SH3RF3: variants seen among roughly 807,000 people sequenced by gnomAD.
The protein encoded by SH3RF3 is SH3 domain containing ring finger 3, also known as E3 ubiquitin-protein ligase SH3RF3.
SH3RF3 carries 29 observed loss-of-function variants against 66.3 expected under a neutral mutation model. That is an observed-to-expected ratio of 0.44 (90% confidence interval 0.33 to 0.60). SH3RF3 has a LOEUF of 0.60. Ranked by LOEUF, SH3RF3 falls within the 20% of genes least tolerant of loss-of-function variation. The probability of loss-of-function intolerance (pLI) is 0.04; values close to 1 mark genes in which losing one functional copy is unlikely to be tolerated. For synonymous variants in SH3RF3, 583 were observed against 532.0 expected (o/e 1.10, Z -1.32); for missense variants, 1,194 against 1,190.9 (o/e 1.00, Z -0.04).
intron 9 of SH3RF3, among the ~76,000 whole-genome samples, chr2:109,493,466 T>C (rs1679182881): frequency 6.9e-6 from 1 of 145,526 alleles, no homozygotes; most frequent in African/African-American, 2.6e-5. Context: ...ACATACACTA[T>C]ACATACAAAC....
chr2:109,422,177 C>T (rs142992035), intron 5 of SH3RF3, among the ~76,000 whole-genome samples: 120 of 152,292 alleles, frequency 7.9e-4, no homozygotes, highest in African/African-American at 2.4e-3. Flanking sequence ...GATGTGCTGT[C>T]GTTGCAAAAA....
intron 1 of SH3RF3, among the ~76,000 whole-genome samples, chr2:109,231,193 A>G (rs1056099727): frequency 3.3e-5 from 5 of 152,230 alleles, no homozygotes; most frequent in African/African-American, 1.2e-4. Flanking sequence ...GAAGTCTCGG[A>G]TGAACTGTCA....
intron 2 of SH3RF3, among the ~76,000 whole-genome samples, chr2:109,368,419 G>A (rs918405235): frequency 6.6e-6 from 1 of 151,998 alleles, no homozygotes; most frequent in African/African-American, 2.4e-5. Context: ...CATATACAGT[G>A]GATTAGAGAA....
chr2:109,156,985 T>C (rs767270427), intron 1 of SH3RF3, among the ~76,000 whole-genome samples: 1 of 152,242 alleles, frequency 6.6e-6, no homozygotes, highest in Non-Finnish European at 1.5e-5. Context: ...TATTTCCCTC[T>C]GAAATCACAC....
chr2:109,249,521 T>TTTC (rs1680017131), intron 1 of SH3RF3, among the ~76,000 whole-genome samples: 16 of 93,660 alleles, frequency 1.7e-4, no homozygotes, highest in Non-Finnish European at 2.4e-4. Flanking sequence ...TTCTTTCTTT[T>TTTC]TCTTTCTTTC....
At chr2:109,488,351 C>A (rs567197515) in intron 8 of SH3RF3, among the ~76,000 whole-genome samples, 1 of 152,324 alleles carries the variant, frequency 6.6e-6, no homozygotes, top group Non-Finnish European at 1.5e-5. Flanking sequence ...TGCCACCTGT[C>A]CCCTGGAGGC....
chr2:109,463,521 G>A (rs1199835912), intron 8 of SH3RF3, among the ~76,000 whole-genome samples: 7 of 152,194 alleles, frequency 4.6e-5, no homozygotes, highest in African/African-American at 1.2e-4. Context: ...TCTCATAGTC[G>A]TGGTGAAAGG....
chr2:109,162,116 A>T (rs1234424056), intron 1 of SH3RF3, among the ~76,000 whole-genome samples: 2 of 152,190 alleles, frequency 1.3e-5, no homozygotes, highest in Non-Finnish European at 2.9e-5. Context: ...CTGAGGATGG[A>T]CACCTGCTTG....
intron 1 of SH3RF3, among the ~76,000 whole-genome samples, chr2:109,212,965 T>C (rs1339061457): frequency 2.0e-5 from 3 of 152,186 alleles, no homozygotes; most frequent in Non-Finnish European, 4.4e-5. Context: ...AGACAGATGC[T>C]GCCCACACAT....
At chr2:109,132,827 C>A (rs1369082240) in intron 1 of SH3RF3, among the ~76,000 whole-genome samples, 1 of 152,226 alleles carries the variant, frequency 6.6e-6, no homozygotes, top group Non-Finnish European at 1.5e-5. Context: ...TAGCATCAAT[C>A]AAATTGTTTC....
chr2:109,240,471 A>G (rs1176752002), intron 1 of SH3RF3, among the ~76,000 whole-genome samples: 1 of 152,158 alleles, frequency 6.6e-6, no homozygotes, highest in Admixed American at 6.5e-5. Flanking sequence ...CTGGGCGACA[A>G]ACAAAAAAAC....
intron 6 of SH3RF3, among the ~76,000 whole-genome samples, chr2:109,436,193 C>T (rs1034539374): frequency 2.0e-5 from 3 of 152,170 alleles, no homozygotes; most frequent in African/African-American, 7.2e-5. Context: ...ACATTTAATT[C>T]CCCTGAAACT....
intron 1 of SH3RF3, among the ~76,000 whole-genome samples, chr2:109,240,834 C>T (rs1679761309): frequency 6.6e-6 from 1 of 151,982 alleles, no homozygotes; most frequent in South Asian, 2.1e-4. Flanking sequence ...CTACTGGACT[C>T]CTGACACCCC....
At chr2:109,238,227 T>G (rs906437359) in intron 1 of SH3RF3, among the ~76,000 whole-genome samples, 1 of 151,980 alleles carries the variant, frequency 6.6e-6, no homozygotes, top group African/African-American at 2.4e-5. Context: ...ATAAAATGGT[T>G]TTTATGAAGA....
chr2:109,159,309 G>A (rs1558932221), intron 1 of SH3RF3, among the ~76,000 whole-genome samples: 1 of 152,194 alleles, frequency 6.6e-6, no homozygotes, highest in African/African-American at 2.4e-5. Flanking sequence ...GCTGTACCGC[G>A]GTTTCCTCGT....
At chr2:109,445,936 C>T (rs1382406507) in intron 7 of SH3RF3, among the ~76,000 whole-genome samples, 1 of 152,076 alleles carries the variant, frequency 6.6e-6, no homozygotes, top group Non-Finnish European at 1.5e-5. Context: ...GCTCACAGTC[C>T]TTGGAAGCTG....
At chr2:109,499,898 G>T (rs1053040228) in intron 9 of SH3RF3, among the ~76,000 whole-genome samples, 2 of 152,160 alleles carry the variant, frequency 1.3e-5, no homozygotes, top group African/African-American at 4.8e-5. Flanking sequence ...CTGAGCTCAG[G>T]TTCAATTGGC....
intron 8 of SH3RF3, among the ~76,000 whole-genome samples, chr2:109,459,654 G>A (rs190346597): frequency 1.5e-3 from 229 of 152,232 alleles, no homozygotes; most frequent in Middle Eastern, 0.014. Context: ...AGTAGTTCCC[G>A]TTCCTGCCTT....
intron 1 of SH3RF3, among the ~76,000 whole-genome samples, chr2:109,320,256 C>T (rs773447938): frequency 2.7e-4 from 41 of 152,232 alleles, no homozygotes; most frequent in African/African-American, 9.4e-4. Flanking sequence ...CAGAGGAGGG[C>T]GGTGGGAATG....
Sources: allele counts gnomAD v4.1 joint callset (sites outside exome capture counted in the v4.1 genomes callset), GRCh38; gene constraint gnomAD v4.1.1; transcripts MANE v1.5; gene names NCBI Gene and HGNC (gene_info 2026-07-23, HGNC 2026-07-21).